PDE1A: variants seen among roughly 807,000 people sequenced by gnomAD.
PDE1A encodes dual specificity calcium/calmodulin-dependent 3',5'-cyclic nucleotide phosphodiesterase 1A.
A neutral mutation model predicts 61.7 loss-of-function variants in PDE1A; 35 were observed. The ratio of observed to expected loss-of-function variants is 0.57; its 90% CI spans 0.43 to 0.75. PDE1A has a LOEUF of 0.75. Among genes scored for constraint, PDE1A ranks in the 30% least tolerant of loss-of-function variants. The pLI is 0.00. For missense variants in PDE1A, 597 were observed against 630.6 expected (o/e 0.95, Z 0.57); for synonymous variants, 232 against 213.2 (o/e 1.09, Z -0.77).
intron 13 of PDE1A, among the ~76,000 whole-genome samples, chr2:182,184,987 A>G (rs1236420346): frequency 6.6e-6 from 1 of 152,166 alleles, no homozygotes; most frequent in Non-Finnish European, 1.5e-5. Context: ...TTTATGGTTG[A>G]CATTTGGGAT....
the PDE1A span, among the ~76,000 whole-genome samples, chr2:182,543,411 A>C: frequency 6.6e-6 from 1 of 152,226 alleles, no homozygotes; most frequent in South Asian, 2.1e-4. Flanking sequence ...ATTTCATTAG[A>C]TAAACCAGAT....
At chr2:182,348,713 T>C (rs1365078357) in intron 1 of PDE1A, among the ~76,000 whole-genome samples, 1 of 151,938 alleles carries the variant, frequency 6.6e-6, no homozygotes, top group Non-Finnish European at 1.5e-5. Flanking sequence ...CTTAGCTCTA[T>C]GTTTAGCTAC....
chr2:182,457,753 T>C (rs908432329), intron 2 of PDE1A, among the ~76,000 whole-genome samples: 5 of 152,096 alleles, frequency 3.3e-5, no homozygotes, highest in African/African-American at 1.2e-4. Flanking sequence ...TTTAGACTTA[T>C]ATATTGTTTT....
the PDE1A span, among the ~76,000 whole-genome samples, chr2:182,713,593 T>G: frequency 6.6e-6 from 1 of 152,204 alleles, no homozygotes; most frequent in East Asian, 1.9e-4. Context: ...ATCGCACCAT[T>G]GCACTCCAGC....
intron 1 of PDE1A, among the ~76,000 whole-genome samples, chr2:182,328,495 T>TA (rs200681659): frequency 0.011 from 1,699 of 151,970 alleles, 25 homozygotes; most frequent in South Asian, 0.069. Context: ...AGGGACATAG[T>TA]AAAAAAAAGT....
intron 13 of PDE1A, among the ~76,000 whole-genome samples, chr2:182,180,557 C>T (rs547830057): frequency 1.4e-4 from 22 of 152,184 alleles, no homozygotes; most frequent in Admixed American, 7.9e-4. Context: ...CTGAAAATTA[C>T]GTGTCCTGGC....
intron 1 of PDE1A, among the ~76,000 whole-genome samples, chr2:182,331,027 C>T (rs551493614): frequency 6.6e-6 from 1 of 152,212 alleles, no homozygotes; most frequent in African/African-American, 2.4e-5. Flanking sequence ...TACCTTTTTA[C>T]CTGCTCACTG....
chr2:182,626,300 C>T, the PDE1A span, among the ~76,000 whole-genome samples: 1 of 152,074 alleles, frequency 6.6e-6, no homozygotes, highest in Non-Finnish European at 1.5e-5. Flanking sequence ...CAGAATAACA[C>T]TCAATTGAAT....
At chr2:182,442,846 A>T (rs1037350007) in intron 2 of PDE1A, among the ~76,000 whole-genome samples, 5 of 152,056 alleles carry the variant, frequency 3.3e-5, no homozygotes, top group African/African-American at 1.2e-4. Context: ...CTTACAATAA[A>T]TTTTGCTACA....
intron 2 of PDE1A, among the ~76,000 whole-genome samples, chr2:182,437,024 C>T (rs527578655): frequency 9.2e-5 from 14 of 151,928 alleles, no homozygotes; most frequent in Non-Finnish European, 2.1e-4. Context: ...TTCAGAGACA[C>T]ATTTATCTGG....
intron 2 of PDE1A, among the ~76,000 whole-genome samples, chr2:182,258,458 G>T (rs1482413592): frequency 6.6e-6 from 1 of 152,164 alleles, no homozygotes; most frequent in Non-Finnish European, 1.5e-5. Flanking sequence ...CCATTCTCAA[G>T]AACTTTAGGA....
At chr2:182,166,399 C>T (rs1691655231), downstream of PDE1A, among the ~76,000 whole-genome samples, 1 of 152,158 alleles carries the variant, frequency 6.6e-6, no homozygotes, top group African/African-American at 2.4e-5. Flanking sequence ...TAGGAAACTT[C>T]CATCACAGAA....
the PDE1A span, among the ~76,000 whole-genome samples, chr2:182,603,721 A>G: frequency 6.6e-6 from 1 of 152,250 alleles, no homozygotes. Flanking sequence ...GTTTACACTG[A>G]AATTTTAGTT....
At chr2:182,143,192 T>C (rs2125253403), downstream of PDE1A, among the ~76,000 whole-genome samples, 1 of 152,280 alleles carries the variant, frequency 6.6e-6, no homozygotes, top group Non-Finnish European at 1.5e-5. Flanking sequence ...TAAAAACCAA[T>C]GGATCATATT....
At position 182,449,087 on chromosome 2, in the gene PDE1A, A is replaced by C. The variant is rs13405173; in HGVS notation, c.101+73189T>G. On this transcript the variant is annotated intron_variant, in intron 2 of 14. Coordinates refer to the PDE1A transcript ENST00000410103. ...ACACACACACACACACACACACACAAACAAAACCCAGGAAATCCTTCTAAA... is the reference window on the plus strand; with the variant it reads ...ACACACACACACACACACACACACACACAAAACCCAGGAAATCCTTCTAAA... 8.4e-3 allele frequency among the ~76,000 whole-genome samples: 1,182 copies of C among 140,864 alleles called. 19 individuals carry two copies. The highest frequency in any genetic ancestry group is 0.024 in the African/African-American group (825 of 34,882). 92.4% of individuals were successfully genotyped at this position (140,864 alleles called of 152,430 possible).
chr2:182,456,666 A>G, intron 2 of PDE1A, among the ~76,000 whole-genome samples: 1 of 152,086 alleles, frequency 6.6e-6, no homozygotes, highest in East Asian at 1.9e-4. Flanking sequence ...TCATGATCAC[A>G]TTACTGATGT....
intron 1 of PDE1A, among the ~76,000 whole-genome samples, chr2:182,425,264 T>A (rs947349046): frequency 4.6e-5 from 7 of 152,156 alleles, no homozygotes; most frequent in Non-Finnish European, 8.8e-5. Flanking sequence ...GAGTTTAGAA[T>A]CATCTGGGCA....
intron 10 of PDE1A, among the ~76,000 whole-genome samples, chr2:182,192,498 C>A (rs1375170851): frequency 6.6e-6 from 1 of 152,082 alleles, no homozygotes; most frequent in Non-Finnish European, 1.5e-5. Flanking sequence ...ATGTTAGAAT[C>A]TCTGAGTATA....
At chr2:182,184,749 C>G (rs1685067148) in intron 13 of PDE1A, among the ~76,000 whole-genome samples, 1 of 152,126 alleles carries the variant, frequency 6.6e-6, no homozygotes, top group African/African-American at 2.4e-5. Flanking sequence ...ATTTTTGGCT[C>G]TCTGGTCTAT....
Sources: allele counts gnomAD v4.1 joint callset (sites outside exome capture counted in the v4.1 genomes callset), GRCh38; gene constraint gnomAD v4.1.1; transcripts MANE v1.5; gene names NCBI Gene and HGNC (gene_info 2026-07-23, HGNC 2026-07-21).